The following MDGA2 variants were observed in gnomAD, a reference collection of about 807,000 sequenced individuals.
MDGA2 encodes the protein MAM domain containing glycosylphosphatidylinositol anchor 2.
In MDGA2, 40 loss-of-function variants were observed where a neutral mutation model predicts 117.8. The ratio of observed to expected loss-of-function variants is 0.34; its 90% CI spans 0.26 to 0.44. MDGA2 has a LOEUF of 0.44. Ranked by LOEUF, MDGA2 falls within the 20% of genes least tolerant of loss-of-function variation. The probability of loss-of-function intolerance (pLI) is 1.00; values close to 1 mark genes in which losing one functional copy is unlikely to be tolerated. For missense variants in MDGA2, 1,123 were observed against 1,250.6 expected (o/e 0.90, Z 1.54); for synonymous variants, 452 against 439.0 (o/e 1.03, Z -0.37).
intron 1 of MDGA2, among the ~76,000 whole-genome samples, chr14:47,554,124 G>T (rs148259420): frequency 1.7e-4 from 26 of 152,240 alleles, no homozygotes; most frequent in African/African-American, 5.1e-4. Context: ...CTGGATTTTG[G>T]CGTGGGAGTT....
chr14:47,030,665 C>A (rs1231029448), intron 8 of MDGA2, among the ~76,000 whole-genome samples: 1 of 151,482 alleles, frequency 6.6e-6, no homozygotes, highest in Non-Finnish European at 1.5e-5. Context: ...TAAAAATGAG[C>A]CAAATATTCA....
intron 6 of MDGA2, among the ~76,000 whole-genome samples, chr14:47,070,234 G>A (rs76618922): frequency 0.044 from 6,691 of 151,772 alleles, 194 homozygotes; most frequent in Non-Finnish European, 0.071. Flanking sequence ...CCCCTGTTCC[G>A]GTAATCATCC....
At chr14:46,878,596 C>T (rs867724953) in intron 11 of MDGA2, among the ~76,000 whole-genome samples, 1 of 151,964 alleles carries the variant, frequency 6.6e-6, no homozygotes, top group Non-Finnish European at 1.5e-5. Context: ...TTCCTACATA[C>T]AGAAGACAAT....
chr14:47,138,150 T>C (rs114985141), intron 4 of MDGA2, among the ~76,000 whole-genome samples: 1 of 152,268 alleles, frequency 6.6e-6, no homozygotes, highest in East Asian at 1.9e-4. Context: ...ATGGCATATA[T>C]GTATACCTGT....
At chr14:47,364,580 G>C (rs1186538190) in intron 1 of MDGA2, among the ~76,000 whole-genome samples, 5 of 152,296 alleles carry the variant, frequency 3.3e-5, no homozygotes, top group African/African-American at 7.2e-5. Context: ...TAAATTAAAT[G>C]ATAGAGCACA....
chr14:46,962,214 G>C (rs1340317705), intron 8 of MDGA2, among the ~76,000 whole-genome samples: 1 of 152,166 alleles, frequency 6.6e-6, no homozygotes, highest in East Asian at 1.9e-4. Flanking sequence ...CAAGTGACTT[G>C]AATTTGAGTT....
chr14:47,352,290 C>T (rs1390477355), intron 1 of MDGA2, among the ~76,000 whole-genome samples: 3 of 152,156 alleles, frequency 2.0e-5, no homozygotes, highest in East Asian at 1.9e-4. Context: ...TGAAAACACA[C>T]GTGCTCTCCC....
chr14:47,250,478 C>T (rs748850342), intron 2 of MDGA2, among the ~76,000 whole-genome samples: 5 of 152,110 alleles, frequency 3.3e-5, no homozygotes, highest in Admixed American at 2.6e-4. Flanking sequence ...CCAATGTGAT[C>T]GTATTAGAAG....
At chr14:47,301,317 A>G in intron 2 of MDGA2, 94 bp downstream of exon 2, 1 of 1,243,498 alleles carries the variant, frequency 8.0e-7, no homozygotes. Flanking sequence ...ACACACACAC[A>G]CACAGTTTTA....
chr14:47,520,874 C>T (rs1344861076), intron 1 of MDGA2, among the ~76,000 whole-genome samples: 1 of 152,142 alleles, frequency 6.6e-6, no homozygotes, highest in Admixed American at 6.5e-5. Flanking sequence ...TATTGACCTT[C>T]CTCAAAGTAC....
At chr14:46,939,443 G>A (rs544966710) in intron 9 of MDGA2, among the ~76,000 whole-genome samples, 98 of 152,176 alleles carry the variant, frequency 6.4e-4, no homozygotes, top group African/African-American at 2.3e-3. Context: ...GCTTTCCACT[G>A]AGATCTTTCT....
At chr14:47,147,775 T>C (rs1362517205) in intron 3 of MDGA2, among the ~76,000 whole-genome samples, 1 of 152,162 alleles carries the variant, frequency 6.6e-6, no homozygotes, top group East Asian at 1.9e-4. Flanking sequence ...GGTTAGTCTC[T>C]TTCTGGGAAA....
intron 1 of MDGA2, among the ~76,000 whole-genome samples, chr14:47,319,193 T>C (rs550608810): frequency 1.8e-4 from 28 of 152,272 alleles, no homozygotes; most frequent in Admixed American, 7.2e-4. Context: ...CCTCCTATTA[T>C]TCTGGACTGG....
chr14:46,885,127 G>T (rs1028408952), intron 10 of MDGA2, among the ~76,000 whole-genome samples: 2 of 151,960 alleles, frequency 1.3e-5, no homozygotes, highest in Admixed American at 1.3e-4. Context: ...GATTACAGGC[G>T]TAAGTCACCG....
chr14:46,859,262 T>C (rs1881409770), intron 14 of MDGA2, among the ~76,000 whole-genome samples: 1 of 152,152 alleles, frequency 6.6e-6, no homozygotes, highest in African/African-American at 2.4e-5. Context: ...TCCATGCTGC[T>C]CTCCTCTCAG....
chr14:47,540,683 C>T (rs936724738), intron 1 of MDGA2, among the ~76,000 whole-genome samples: 1 of 151,420 alleles, frequency 6.6e-6, no homozygotes. Context: ...CCTGCCTCAG[C>T]CTTCCAAGCT....
At chr14:46,905,760 A>G (rs2138462835) in intron 10 of MDGA2, among the ~76,000 whole-genome samples, 2 of 152,222 alleles carry the variant, frequency 1.3e-5, no homozygotes, top group Admixed American at 1.3e-4. Flanking sequence ...AAGCATGTTC[A>G]TTGAAATCTT....
At chr14:47,291,191 C>T (rs184047195) in intron 2 of MDGA2, among the ~76,000 whole-genome samples, 1 of 152,158 alleles carries the variant, frequency 6.6e-6, no homozygotes, top group Non-Finnish European at 1.5e-5. Context: ...TAGCCCTACT[C>T]GAAACTGCCA....
At chr14:47,592,258 A>G (rs925553765) in intron 1 of MDGA2, among the ~76,000 whole-genome samples, 5 of 152,196 alleles carry the variant, frequency 3.3e-5, no homozygotes, top group Non-Finnish European at 7.3e-5. Flanking sequence ...AAACAAATGG[A>G]AAAACATTCC....
Sources: gnomAD v4.1 joint callset for allele counts (sites outside exome capture counted in the v4.1 genomes callset) on GRCh38, gnomAD v4.1.1 for gene constraint, MANE v1.5 for transcripts, NCBI Gene and HGNC (gene_info 2026-07-23, HGNC 2026-07-21) for gene names.